The following MYH11 variants were observed in gnomAD, a reference collection of about 807,000 sequenced individuals.
The protein encoded by MYH11 is myosin heavy chain 11.
In MYH11, 80 loss-of-function variants were observed where a neutral mutation model predicts 246.6. That is an observed-to-expected ratio of 0.32 (90% CI 0.27 to 0.39). The LOEUF (loss-of-function observed/expected upper bound fraction) is 0.39, where lower values mean the gene tolerates loss of function less well. MYH11 is among the 10% of genes least tolerant of loss of function. The probability of loss-of-function intolerance (pLI) is 1.00; values close to 1 mark genes in which losing one functional copy is unlikely to be tolerated. For synonymous variants in MYH11, 1,071 were observed against 1,015.5 expected, an observed-to-expected ratio of 1.05 and a Z score of -1.04; for missense variants, 2,158 against 2,546.8, an observed-to-expected ratio of 0.85 and a Z score of 3.29.
In MYH11 at chr16:15,714,706, G is replaced by T. The variant is rs2040017965; in HGVS notation, c.5786+203C>A. 3 of 666,804 alleles carry T rather than the reference G, an allele frequency of 4.5e-6. No homozygotes were observed. The East Asian group carries it at 7.8e-5, about 17-fold the overall frequency. 41.3% of individuals were successfully genotyped at this position (666,804 alleles called of 1,614,324 possible). A position where few individuals can be genotyped will look rare whatever the true frequency, so the allele number is the denominator to read the frequency against. ...CGTTAAAGGATCTAGAAGGTTAGCT[G>T]CTACCAGGCAAGGCAGGGCCCGGGT... On this transcript the variant is annotated intron_variant, in intron 40 of 40. Transcript: ENST00000300036.
chr16:15,809,010 C>T (rs1004567328), intron 3 of MYH11, among the ~76,000 whole-genome samples: 1 of 152,120 alleles, frequency 6.6e-6, no homozygotes, highest in East Asian at 1.9e-4. Context: ...ACATTCTCCC[C>T]CTTCTCTCTG....
rs1419491719 is a variant in MYH11, at chr16:15,742,555, C to A, written c.2521-664G>T. Among the ~76,000 whole-genome samples the A allele has an allele frequency of 2.6e-5, 4 of 151,898 alleles. No homozygotes were observed. In the East Asian group the frequency reaches 7.8e-4, roughly 30 times the overall value. ...AGTTTGGGACCAGCCTGGGCAACAT[C>A]ATGAGACCCCATCTCTACAAAAACA... On this transcript the variant is annotated intron_variant, in intron 20 of 40. Transcript: ENST00000300036.
chr16:15,846,944 A>G (rs533106766), intron 1 of MYH11, among the ~76,000 whole-genome samples: 1 of 151,894 alleles, frequency 6.6e-6, no homozygotes, highest in South Asian at 2.1e-4. Context: ...ACAGAGTGAG[A>G]CCCCCATCTA....
Position 15,756,415 on chromosome 16 carries a change from T to C in MYH11, c.1675A>G (p.Ser559Gly), listed in dbSNP as rs756161600. The change falls in exon 14 of 41, where the codon AGC becomes GGC. Residue 559 changes from serine (S) to glycine (G), a missense_variant. Coordinates refer to ENST00000300036, the MANE Select transcript of MYH11 (RefSeq NM_002474.3). ...TTGGGCTTCTGGAACTTGGGGTGGCTGCCCTGCTCCGTGCACAGCTTCTCC... is the reference window on the plus strand; with the variant it reads ...TTGGGCTTCTGGAACTTGGGGTGGCCGCCCTGCTCCGTGCACAGCTTCTCC... ...FVEKLCTEQGSHPKFQKPKQL... is the reference protein window; with the variant it reads ...FVEKLCTEQGGHPKFQKPKQL... The C allele has an allele frequency of 2.5e-6, 4 of 1,614,202 alleles. No homozygotes were observed. Among genetic ancestry groups the C allele is most frequent in the Non-Finnish European group, 3.4e-6 (4 of 1,180,044 alleles).
intron 40 of MYH11, chr16:15,713,258 A>C (rs2039922589): frequency 1.3e-5 from 2 of 152,004 alleles, no homozygotes. Context: ...AATGGAAAAA[A>C]AATAGAAGTG....
rs201776442 is a variant in MYH11 at position 15,825,815 on chromosome 16, TG to T, written c.346-2405del. Among the ~76,000 whole-genome samples, 53 of 152,112 alleles carry T rather than the reference TG, an allele frequency of 3.5e-4. No homozygotes were observed. In the East Asian group the frequency reaches 0.01, roughly 29 times the overall value. ...CCTTACTGGATACTAGATTTTCCCA[TG>T]GTTGAGGTCACAGTTCAGGAGACAG... On this transcript the variant is annotated intron_variant, in intron 2 of 40. Coordinates refer to ENST00000300036, the MANE Select transcript of MYH11 (RefSeq NM_002474.3).
chr16:15,837,352 T>A (rs778513374), intron 2 of MYH11, among the ~76,000 whole-genome samples: 2 of 152,156 alleles, frequency 1.3e-5, no homozygotes, highest in African/African-American at 2.4e-5. Context: ...ACTTGGCACA[T>A]GTGATGACAT....
intron 1 of MYH11, among the ~76,000 whole-genome samples, chr16:15,848,228 CTTTTTTTTTT>C (rs71134473): frequency 5.7e-5 from 6 of 104,380 alleles, no homozygotes; most frequent in African/African-American, 2.0e-4. Context: ...GTTGCTAAGT[CTTTTTTTTTT>C]TTTTTTTTTT....
chr16:15,840,233 A>G (rs547063429), intron 1 of MYH11, among the ~76,000 whole-genome samples: 1 of 152,176 alleles, frequency 6.6e-6, no homozygotes, highest in African/African-American at 2.4e-5. Context: ...TGTTCTATCC[A>G]CTATAGGATG....
intron 1 of MYH11, among the ~76,000 whole-genome samples, chr16:15,845,495 C>A (rs2044164014): frequency 6.6e-6 from 1 of 152,138 alleles, no homozygotes; most frequent in Non-Finnish European, 1.5e-5. Flanking sequence ...CATTCCTAAC[C>A]AATAGCATTT....
chr16:15,727,203 T>C (rs1218270466), intron 27 of MYH11, 149 bp from the exon 28 acceptor site: 2 of 720,488 alleles, frequency 2.8e-6, no homozygotes, highest in Middle Eastern at 3.5e-4. Context: ...GTTTTTTTGT[T>C]GTTATTTTTT....
intron 40 of MYH11, chr16:15,712,881 A>ATTTTTTTTTTTTTTTTTTTTTTTTTTTTT (rs1567680172): frequency 3.0e-5 from 2 of 65,914 alleles, no homozygotes; most frequent in East Asian, 1.6e-3. Context: ...CTTCACATAC[A>ATTTTTTTTTTTTTTTTTTTTTTTTTTTTT]GTTTTTTTTT....
chr16:15,835,832 C>T (rs2043877077), intron 2 of MYH11, among the ~76,000 whole-genome samples: 1 of 150,868 alleles, frequency 6.6e-6, no homozygotes, highest in Non-Finnish European at 1.5e-5. Context: ...TAGCTCACTG[C>T]AGCCTTGAAC....
chr16:15,817,274 C>A (rs1187919312), intron 3 of MYH11, among the ~76,000 whole-genome samples: 2 of 152,072 alleles, frequency 1.3e-5, no homozygotes, highest in Admixed American at 1.3e-4. Flanking sequence ...GGCAGATCAC[C>A]TGAGGTCAGG....
chr16:15,737,937 C>T (rs1222395922), intron 24 of MYH11, among the ~76,000 whole-genome samples: 2 of 152,014 alleles, frequency 1.3e-5, no homozygotes, highest in Admixed American at 6.6e-5. Flanking sequence ...GGATTACAGG[C>T]GCCCGCCACC....
At chr16:15,794,807 T>C (rs1369713396) in intron 4 of MYH11, among the ~76,000 whole-genome samples, 1 of 152,008 alleles carries the variant, frequency 6.6e-6, no homozygotes, top group Non-Finnish European at 1.5e-5. Flanking sequence ...GGGAGGGAAA[T>C]GCTGGGCCCA....
chr16:15,809,759 C>T (rs1273761780), intron 3 of MYH11, among the ~76,000 whole-genome samples: 1 of 151,806 alleles, frequency 6.6e-6, no homozygotes, highest in African/African-American at 2.4e-5. Flanking sequence ...CTCATCTCTA[C>T]AAAAAATACA....
At chr16:15,772,981 T>C (rs2042139371) in intron 8 of MYH11, among the ~76,000 whole-genome samples, 2 of 152,140 alleles carry the variant, frequency 1.3e-5, no homozygotes, top group African/African-American at 4.8e-5. Context: ...TTATGGTGAC[T>C]AGTATAATTA....
rs745665629 is a variant in MYH11 at position 15,703,833 on chromosome 16, A to AG, written c.*157dup. The AG allele has an allele frequency of 1.4e-5, 14 of 968,382 alleles. No individual in the cohort carries two copies. Among genetic ancestry groups the AG allele is most frequent in the Non-Finnish European group, 2.3e-5 (14 of 613,816 alleles). The allele number at this position is 968,382 out of a possible 1,614,324, so 60.0% of individuals were successfully genotyped here. On this transcript the variant is annotated 3_prime_UTR_variant, in exon 41 of 41. Transcript: ENST00000300036. Reference sequence around the variant, plus strand: ...TGGTGGTTTTTATATTCCTTGTGTGAGGGGTGTCTGTGATATTTGGAATTT... The same window carrying AG: ...TGGTGGTTTTTATATTCCTTGTGTGAGGGGGTGTCTGTGATATTTGGAATTT...
Sources: allele counts gnomAD v4.1 joint callset (sites outside exome capture counted in the v4.1 genomes callset), GRCh38; gene constraint gnomAD v4.1.1; transcripts MANE v1.5; gene names NCBI Gene and HGNC (gene_info 2026-07-23, HGNC 2026-07-21).